Variants in CSMD1 observed in about 807,000 individuals in gnomAD.
The protein encoded by CSMD1 is CUB and Sushi multiple domains 1, also known as CUB and sushi domain-containing protein 1.
Under a neutral mutation model 417.5 loss-of-function variants are expected in CSMD1, and 213 were observed. That is an observed-to-expected ratio of 0.51 (90% CI 0.46 to 0.57). CSMD1 has a LOEUF of 0.57. Ranked by LOEUF, CSMD1 falls within the 20% of genes least tolerant of loss-of-function variation. CSMD1 has a pLI of 0.00. For synonymous variants in CSMD1, 2,862 were observed against 1,736.8 expected, an observed-to-expected ratio of 1.65 and a Z score of -16.11; for missense variants, 6,923 against 4,529.7, an observed-to-expected ratio of 1.53 and a Z score of -15.17.
intron 5 of CSMD1, among the ~76,000 whole-genome samples, chr8:3,905,871 G>C (rs543022962): frequency 6.6e-6 from 1 of 152,218 alleles, no homozygotes. Context: ...CAATTTAGCA[G>C]AAGGTTTCTG....
Position 4,628,409 on chromosome 8 carries a change from CATATATATACATAT to C in CSMD1, c.302+8919_302+8932del, listed in dbSNP as rs1230845014. Among the ~76,000 whole-genome samples the C allele has an allele frequency of 4.0e-3, 564 of 140,616 alleles. 2 individuals are homozygous for C. The highest frequency in any genetic ancestry group is 0.016 in the Middle Eastern group (4 of 248). The allele number at this position is 140,616 out of a possible 152,430, so 92.2% of individuals were successfully genotyped here. Reference sequence around the variant, plus strand: ...ACATATATATACACATATATATACACATATATATACATATATATACACATATACACATATATACA... The same window carrying C: ...ACATATATATACACATATATATACACATATACACATATACACATATATACA... On this transcript the variant is annotated intron_variant, in intron 2 of 69. Transcript: ENST00000635120.
chr8:3,362,991 T>A (rs4457352), intron 20 of CSMD1, among the ~76,000 whole-genome samples: 38,813 of 152,196 alleles, frequency 0.26, 5,033 homozygotes, highest in East Asian at 0.33. Flanking sequence ...TGCAACATCC[T>A]GAGTTAACAT....
intron 3 of CSMD1, among the ~76,000 whole-genome samples, chr8:4,188,015 T>TA (rs1798785421): frequency 6.6e-6 from 1 of 152,024 alleles, no homozygotes; most frequent in South Asian, 2.1e-4. Context: ...TACCTTTTTT[T>TA]AAAAAAAGAC....
chr8:3,873,294 G>A (rs1805604476), intron 5 of CSMD1, among the ~76,000 whole-genome samples: 1 of 151,932 alleles, frequency 6.6e-6, no homozygotes, highest in Non-Finnish European at 1.5e-5. Context: ...CAAAGACATG[G>A]AATCAACCTA....
intron 3 of CSMD1, among the ~76,000 whole-genome samples, chr8:4,149,337 C>T (rs1273364185): frequency 1.3e-5 from 2 of 152,108 alleles, no homozygotes; most frequent in Non-Finnish European, 2.9e-5. Flanking sequence ...AAACATCACT[C>T]CAGTTTGCAT....
At position 3,717,426 on chromosome 8, in the gene CSMD1, C is replaced by T. The variant is rs568656327; in HGVS notation, c.932-8935G>A. On this transcript the variant is annotated intron_variant, in intron 6 of 69. Coordinates refer to ENST00000635120, the MANE Select transcript of CSMD1 (RefSeq NM_033225.6). ...TTTTGTTTTTCTTTTCCATGAAATG[C>T]TTTTTTTATCATTTATTGTAACTGT... Among the ~76,000 whole-genome samples, 500 of 130,300 alleles carry T rather than the reference C, an allele frequency of 3.8e-3. 11 individuals are homozygous for T. Among genetic ancestry groups the T allele is most frequent in the East Asian group, 2.4e-3 (9 of 3,812 alleles). 85.5% of individuals were successfully genotyped at this position (130,300 alleles called of 152,430 possible).
intron 3 of CSMD1, among the ~76,000 whole-genome samples, chr8:4,130,327 C>G (rs114330820): frequency 2.0e-4 from 31 of 152,190 alleles, no homozygotes; most frequent in African/African-American, 7.5e-4. Flanking sequence ...TGCCTAAGGT[C>G]TTCTATTCCA....
chr8:3,659,786 C>T (rs574902978), intron 7 of CSMD1, among the ~76,000 whole-genome samples: 57 of 152,178 alleles, frequency 3.7e-4, no homozygotes, highest in Admixed American at 1.5e-3. Flanking sequence ...ATTCCCAATA[C>T]GCAATAGAAC....
At chr8:4,141,823 T>C (rs1803809430) in intron 3 of CSMD1, among the ~76,000 whole-genome samples, 1 of 151,078 alleles carries the variant, frequency 6.6e-6, no homozygotes, top group Admixed American at 6.6e-5. Flanking sequence ...ACTGAACATA[T>C]AATTCATCAT....
Position 4,994,535 on chromosome 8 carries a change from A to G in CSMD1, c.-119T>C, listed in dbSNP as rs1392486136. 2 of 901,604 alleles carry G rather than the reference A, an allele frequency of 2.2e-6. No homozygotes were observed. The highest frequency in any genetic ancestry group is 3.4e-6 in the Non-Finnish European group (2 of 583,852). The allele number at this position is 901,604 out of a possible 1,614,324, so 55.9% of individuals were successfully genotyped here. Reference sequence around the variant, plus strand: ...GAGCCGGAGAGAGAGCCCGGTCCCAAGACCCGCCGCGCATCCGACGCCTCC... The same window carrying G: ...GAGCCGGAGAGAGAGCCCGGTCCCAGGACCCGCCGCGCATCCGACGCCTCC... On this transcript the variant is annotated 5_prime_UTR_variant, in exon 1 of 70. Transcript: ENST00000635120.
intron 1 of CSMD1, among the ~76,000 whole-genome samples, chr8:4,812,226 C>A (rs966305071): frequency 6.6e-6 from 1 of 152,150 alleles, no homozygotes; most frequent in African/African-American, 2.4e-5. Context: ...CTAAGTGAGA[C>A]ACAACCAGTC....
intron 5 of CSMD1, among the ~76,000 whole-genome samples, chr8:3,923,883 T>A (rs1313730157): frequency 6.6e-6 from 1 of 152,206 alleles, no homozygotes; most frequent in Non-Finnish European, 1.5e-5. Context: ...TCTTTGCTTG[T>A]AGCTATTTTT....
At chr8:4,690,377 G>C (rs1159196470) in intron 1 of CSMD1, among the ~76,000 whole-genome samples, 1 of 152,140 alleles carries the variant, frequency 6.6e-6, no homozygotes, top group East Asian at 1.9e-4. Context: ...ATGAGTAAAT[G>C]GGGGAATGTT....
At chr8:4,490,310 G>C (rs1415091064) in intron 2 of CSMD1, among the ~76,000 whole-genome samples, 1 of 152,110 alleles carries the variant, frequency 6.6e-6, no homozygotes, top group East Asian at 1.9e-4. Context: ...AAAGTGCTGG[G>C]ATTACAGGCA....
At chr8:4,304,017 A>G (rs1910716) in intron 3 of CSMD1, among the ~76,000 whole-genome samples, 115,461 of 152,074 alleles carry the variant, frequency 0.76, 43,918 homozygotes, top group East Asian at 0.85. Flanking sequence ...AAGCGTCCAT[A>G]AAAGAACCAA....
intron 1 of CSMD1, among the ~76,000 whole-genome samples, chr8:4,799,831 C>T (rs1167342850): frequency 6.6e-6 from 1 of 151,832 alleles, no homozygotes; most frequent in East Asian, 1.9e-4. Flanking sequence ...TATTAGAATG[C>T]TCTTTCCAGC....
At chr8:3,356,876 G>C (rs1370261619) in intron 21 of CSMD1, among the ~76,000 whole-genome samples, 1 of 152,142 alleles carries the variant, frequency 6.6e-6, no homozygotes, top group Non-Finnish European at 1.5e-5. Context: ...GAGGGAGAGT[G>C]ATTGCTCTGA....
chr8:4,217,279 T>C (rs1800741781), intron 3 of CSMD1, among the ~76,000 whole-genome samples: 1 of 152,228 alleles, frequency 6.6e-6, no homozygotes, highest in Non-Finnish European at 1.5e-5. Context: ...AAGTCTTTCA[T>C]ATAAGCCAAG....
At chr8:4,390,606 C>T (rs1158761977) in intron 3 of CSMD1, among the ~76,000 whole-genome samples, 2 of 151,840 alleles carry the variant, frequency 1.3e-5, no homozygotes, top group African/African-American at 2.4e-5. Context: ...CTCCGCCTCC[C>T]GGACTCACGC....
Sources: allele counts gnomAD v4.1 joint callset (sites outside exome capture counted in the v4.1 genomes callset), GRCh38; gene constraint gnomAD v4.1.1; transcripts MANE v1.5; gene names NCBI Gene and HGNC (gene_info 2026-07-23, HGNC 2026-07-21).